ARHGAP21: variants seen among roughly 807,000 people sequenced by gnomAD.
The protein encoded by ARHGAP21 is rho GTPase-activating protein 21.
A neutral mutation model predicts 164.6 loss-of-function variants in ARHGAP21; 38 were observed. That is an observed-to-expected ratio of 0.23 (90% confidence interval 0.18 to 0.30). The LOEUF (loss-of-function observed/expected upper bound fraction) is 0.30. Ranked by LOEUF, ARHGAP21 falls within the 10% of genes least tolerant of loss-of-function variation. The pLI, the probability that ARHGAP21 is intolerant of heterozygous loss-of-function variation, is 1.00. For missense variants in ARHGAP21, 1,822 were observed against 2,370.7 expected (o/e 0.77, Z 4.81); for synonymous variants, 766 against 857.9 (o/e 0.89, Z 1.87).
At chr10:24,652,569 T>C (rs116757776) in intron 4 of ARHGAP21, among the ~76,000 whole-genome samples, 2,314 of 152,270 alleles carry the variant, frequency 0.015, 47 homozygotes, top group African/African-American at 0.05. Context: ...TACCTGCTAA[T>C]AGTATATCAC....
chr10:24,626,210 G>C (rs1169739460), intron 7 of ARHGAP21, among the ~76,000 whole-genome samples: 2 of 152,100 alleles, frequency 1.3e-5, no homozygotes, highest in East Asian at 3.8e-4. Flanking sequence ...AAGTATCCTG[G>C]GTGATGAACC....
At chr10:24,692,457 G>C (rs1172752442) in intron 2 of ARHGAP21, among the ~76,000 whole-genome samples, 1 of 152,154 alleles carries the variant, frequency 6.6e-6, no homozygotes, top group Non-Finnish European at 1.5e-5. Context: ...ATTTCTAAGA[G>C]TCTGTCTTCT....
chr10:24,686,962 T>C (rs1256903633), intron 2 of ARHGAP21, among the ~76,000 whole-genome samples: 6 of 152,180 alleles, frequency 3.9e-5, no homozygotes, highest in Non-Finnish European at 7.3e-5. Context: ...AGGCAGGCAA[T>C]GGTTTGAGCC....
intron 24 of ARHGAP21, chr10:24,590,429 T>C: frequency 6.5e-7 from 1 of 1,535,358 alleles, no homozygotes; most frequent in Non-Finnish European, 8.7e-7. Context: ...ATCAGGGACA[T>C]CACAGAATCC....
In ARHGAP21 at chr10:24,607,805, C is replaced by T. The variant is rs991358290; in HGVS notation, c.2521G>A (p.Val841Ile). Residue 841 changes from valine to isoleucine, a missense_variant, in exon 10 of 26, where the codon GTT (valine) becomes ATT (isoleucine). Physicochemically the swap from Val to Ile is conservative, Grantham distance 29. This residue lies in a region of ARHGAP21 where 1,090 missense variants were observed against 1,378.9 expected (regional missense o/e 0.79). Coordinates refer to ENST00000396432, the MANE Select transcript of ARHGAP21 (RefSeq NM_020824.4). ...GCTGAAGTTGTGAGGCAAGGAGGAA[C>T]TGTTGCTATGGAGGGGACCTGAGAG... ...STSQVPSIAT[V>I]PPCLTTSAPL... 6.2e-7 allele frequency: 1 copy of T among 1,613,954 alleles called. No individual in the cohort carries two copies. The highest frequency in any genetic ancestry group is 8.5e-7 in the Non-Finnish European group (1 of 1,180,022).
chr10:24,617,016 T>A (rs1329416950), intron 9 of ARHGAP21, among the ~76,000 whole-genome samples: 1 of 152,160 alleles, frequency 6.6e-6, no homozygotes, highest in East Asian at 1.9e-4. Flanking sequence ...CGCTGCAGAC[T>A]GGTACTGGTC....
At position 24,634,051 on chromosome 10, in the gene ARHGAP21, A is replaced by G. The variant is rs369548298; in HGVS notation, c.362-571T>C. On this transcript the variant is annotated intron_variant, in intron 5 of 25. Coordinates refer to ENST00000396432, the MANE Select transcript of ARHGAP21 (RefSeq NM_020824.4). The stretch of plus-strand genomic sequence containing the variant: ...AAAGGAAAAGACAGAAACAAAGAAC[A>G]GAGGAAAGAAGAAAATAGGCAAAAA... Among the ~76,000 whole-genome samples the G allele has an allele frequency of 9.9e-5, 15 of 151,884 alleles. No homozygotes were observed. The South Asian group carries it at 1.0e-3, about 11-fold the overall frequency.
intron 2 of ARHGAP21, among the ~76,000 whole-genome samples, chr10:24,674,714 T>TACAC (rs200032243): frequency 7.5e-4 from 113 of 151,274 alleles, no homozygotes; most frequent in African/African-American, 2.4e-3. Context: ...ATGAAAAGTA[T>TACAC]ACACACACAC....
At chr10:24,718,522 G>C (rs542709688) in intron 2 of ARHGAP21, among the ~76,000 whole-genome samples, 16 of 152,268 alleles carry the variant, frequency 1.1e-4, no homozygotes, top group Admixed American at 5.9e-4. Flanking sequence ...CCCTACAAAA[G>C]AGGCAGATAG....
intron 11 of ARHGAP21, among the ~76,000 whole-genome samples, chr10:24,607,083 C>A (rs1343681229): frequency 6.6e-6 from 1 of 152,124 alleles, no homozygotes; most frequent in African/African-American, 2.4e-5. Flanking sequence ...TGAGCCAGGA[C>A]TATATGCATT....
chr10:24,704,001 T>G (rs187578986), intron 2 of ARHGAP21, among the ~76,000 whole-genome samples: 1 of 152,222 alleles, frequency 6.6e-6, no homozygotes, highest in Non-Finnish European at 1.5e-5. Context: ...CACGTTAACA[T>G]GAAAATTCAA....
In ARHGAP21 at chr10:24,679,131, G is replaced by A. The variant is rs12571039; in HGVS notation, c.64-8734C>T. ...ATTTCCCTGGAATAAATGTCCAAGA[G>A]TGCTACTGTTGGGTCATATGTCATC... is the stretch of plus-strand genomic sequence containing the variant. On this transcript the variant is annotated intron_variant, in intron 2 of 25. Coordinates refer to ENST00000396432, the MANE Select transcript of ARHGAP21 (RefSeq NM_020824.4). Among the ~76,000 whole-genome samples, 231 of 152,334 alleles carry A rather than the reference G, an allele frequency of 1.5e-3. 5 individuals carry two copies. The East Asian group carries it at 0.038, about 25-fold the overall frequency.
At chr10:24,644,499 TTCTA>T (rs979408604) in intron 4 of ARHGAP21, among the ~76,000 whole-genome samples, 9 of 152,272 alleles carry the variant, frequency 5.9e-5, no homozygotes, top group African/African-American at 2.2e-4. Context: ...TCCAACCCAC[TTCTA>T]TCTGTCTTCC....
At chr10:24,653,724 G>T (rs112010495) in intron 4 of ARHGAP21, among the ~76,000 whole-genome samples, 3,581 of 152,192 alleles carry the variant, frequency 0.024, 48 homozygotes, top group Non-Finnish European at 0.036. Context: ...CCAACTCACA[G>T]ACCTGTTTAG....
chr10:24,675,056 T>C (rs1841078614), intron 2 of ARHGAP21, among the ~76,000 whole-genome samples: 1 of 152,186 alleles, frequency 6.6e-6, no homozygotes, highest in Non-Finnish European at 1.5e-5. Context: ...ACACCTACCA[T>C]ATGACACCGC....
intron 4 of ARHGAP21, chr10:24,648,944 A>G (rs1837883508): frequency 2.6e-6 from 2 of 766,056 alleles, no homozygotes; most frequent in Non-Finnish European, 3.2e-6. Flanking sequence ...CCACTAGAGA[A>G]AAACAAAATA....
intron 2 of ARHGAP21, among the ~76,000 whole-genome samples, chr10:24,713,797 G>A (rs148226221): frequency 7.2e-5 from 11 of 152,028 alleles, no homozygotes; most frequent in East Asian, 5.8e-4. Context: ...CAAACCTATA[G>A]TACAATATAT....
chr10:24,637,555 G>A (rs1479427880), intron 4 of ARHGAP21, among the ~76,000 whole-genome samples: 15 of 152,154 alleles, frequency 9.9e-5, no homozygotes, highest in Admixed American at 9.8e-4. Context: ...AAATGTAAAT[G>A]ACCATTAATG....
chr10:24,595,224 A>C, intron 19 of ARHGAP21, 34 bp from the exon 20 acceptor site: 1 of 1,549,326 alleles, frequency 6.5e-7, no homozygotes. Flanking sequence ...AATTTATCTT[A>C]AATTGCCTAG....
Sources: allele counts gnomAD v4.1 joint callset (sites outside exome capture counted in the v4.1 genomes callset), GRCh38; gene constraint gnomAD v4.1.1; regional missense constraint gnomAD v4.1.1; transcripts MANE v1.5; gene names NCBI Gene and HGNC (gene_info 2026-07-23, HGNC 2026-07-21).